Variants in UBE2D4 observed in about 807,000 individuals in gnomAD.
The protein encoded by UBE2D4 is ubiquitin-conjugating enzyme E2 D4.
In UBE2D4, 17 loss-of-function variants were observed where a neutral mutation model predicts 23.0. The observed-to-expected ratio is 0.74, with a 90% confidence interval of 0.51 to 1.11. The LOEUF is 1.11. Among genes scored for constraint, UBE2D4 ranks in the 50% least tolerant of loss-of-function variants. UBE2D4 has a pLI of 0.00. For synonymous variants in UBE2D4, 61 were observed against 69.4 expected, an observed-to-expected ratio of 0.88 and a Z score of 0.60; for missense variants, 139 against 181.8, an observed-to-expected ratio of 0.76 and a Z score of 1.35.
intron 1 of UBE2D4, among the ~76,000 whole-genome samples, chr7:43,932,965 G>A (rs4724259): frequency 0.14 from 18,347 of 134,242 alleles, 1,448 homozygotes; most frequent in Admixed American, 0.2. Flanking sequence ...TTCCCCTCCT[G>A]GGGGCAACAA....
At chr7:43,931,731 C>G (rs1457243170) in intron 1 of UBE2D4, among the ~76,000 whole-genome samples, 3 of 152,044 alleles carry the variant, frequency 2.0e-5, no homozygotes, top group Admixed American at 6.6e-5. Context: ...GAGACAGGGT[C>G]TCTGTCACCC....
chr7:43,951,675 C>T (rs753757401), intron 6 of UBE2D4, among the ~76,000 whole-genome samples: 11 of 152,082 alleles, frequency 7.2e-5, no homozygotes, highest in Admixed American at 1.3e-4. Context: ...GGACTACAGG[C>T]GTGTCCCACC....
At chr7:43,942,076 A>G (rs773594206) in intron 2 of UBE2D4, 2 of 152,772 alleles carry the variant, frequency 1.3e-5, no homozygotes, top group Non-Finnish European at 2.9e-5. Context: ...CATACCAAGT[A>G]GACCAGCCAT....
At position 43,954,257 on chromosome 7, in the gene UBE2D4, CTTTT is replaced by C. The variant is rs774290334; in HGVS notation, c.*1587_*1590del. 43 of 70,564 alleles carry C rather than the reference CTTTT, an allele frequency of 6.1e-4. No homozygotes were observed. The highest frequency in any genetic ancestry group is 1.3e-3 in the East Asian group (3 of 2,322). 4.4% of individuals were successfully genotyped at this position (70,564 alleles called of 1,614,324 possible). On this transcript the variant is annotated 3_prime_UTR_variant, in exon 7 of 7. Transcript: ENST00000222402. ...TGCATCTCACCATGTTGAGGATTGC[CTTTT>C]TTTTTTTTTTTTTTTTTTTTTTTTA... is the stretch of plus-strand genomic sequence containing the variant.
chr7:43,940,326 C>T (rs914650551), intron 2 of UBE2D4, among the ~76,000 whole-genome samples: 6 of 152,328 alleles, frequency 3.9e-5, no homozygotes, highest in African/African-American at 1.2e-4. Flanking sequence ...TACCTCATGT[C>T]GTCCTCACAA....
intron 1 of UBE2D4, among the ~76,000 whole-genome samples, chr7:43,927,606 A>G (rs980434472): frequency 2.2e-4 from 33 of 152,156 alleles, no homozygotes; most frequent in Non-Finnish European, 4.7e-4. Flanking sequence ...GCCCAGTCCT[A>G]TAACTAATTT....
chr7:43,928,720 G>C (rs1294097954), intron 1 of UBE2D4, among the ~76,000 whole-genome samples: 4 of 152,120 alleles, frequency 2.6e-5, no homozygotes, highest in Non-Finnish European at 4.4e-5. Context: ...CTCGAGGAGA[G>C]GATGTGGTGA....
intron 6 of UBE2D4, chr7:43,951,865 A>G (rs551200235): frequency 6.6e-6 from 1 of 152,270 alleles, no homozygotes; most frequent in African/African-American, 2.4e-5. Context: ...ACCTTTATAG[A>G]TCTTATTATT....
rs57093593 is a variant in UBE2D4 at position 43,932,984 on chromosome 7, GTATATATATATA to G, written c.25-5428_25-5417del. ...CCTCCTGGGGGCAACAAATGTTAAA[GTATATATATATA>G]TATATATATATATATATACACACAC... On this transcript the variant is annotated intron_variant, in intron 1 of 6. Transcript: ENST00000222402. Among the ~76,000 whole-genome samples the G allele has an allele frequency of 3.4e-3, 289 of 85,812 alleles. 9 individuals carry two copies. The highest frequency in any genetic ancestry group is 0.012 in the African/African-American group (264 of 22,800). 56.3% of individuals were successfully genotyped at this position (85,812 alleles called of 152,430 possible).
chr7:43,945,399 A>G (rs1457713272), intron 4 of UBE2D4, among the ~76,000 whole-genome samples: 1 of 152,216 alleles, frequency 6.6e-6, no homozygotes, highest in East Asian at 1.9e-4. Context: ...ACTCTATGAG[A>G]GAAGAAAGTG....
At chr7:43,938,025 CCTT>C (rs977052140) in intron 1 of UBE2D4, among the ~76,000 whole-genome samples, 1 of 152,082 alleles carries the variant, frequency 6.6e-6, no homozygotes, top group African/African-American at 2.4e-5. Context: ...TGGCACCTAT[CCTT>C]CTCCCAGAAC....
At chr7:43,942,771 A>T (rs1235698167) in intron 2 of UBE2D4, 55 bp from the exon 3 acceptor site, 1 of 1,612,472 alleles carries the variant, frequency 6.2e-7, no homozygotes, top group Non-Finnish European at 8.5e-7. Flanking sequence ...TTTTCAGTAG[A>T]ATGACATGTT....
intron 1 of UBE2D4, among the ~76,000 whole-genome samples, chr7:43,937,810 A>G (rs2132764875): frequency 6.6e-6 from 1 of 152,250 alleles, no homozygotes. Flanking sequence ...AAGGGAATCT[A>G]GTCGTGGTAT....
Position 43,953,181 on chromosome 7 carries a change from G to A in UBE2D4, c.*486G>A, listed in dbSNP as rs1382658126. The A allele has an allele frequency of 4.4e-6, 2 of 456,726 alleles. No homozygotes were observed. The highest frequency in any genetic ancestry group is 3.1e-5 in the South Asian group (2 of 64,568). The allele number at this position is 456,726 out of a possible 1,614,324, so 28.3% of individuals were successfully genotyped here. A position where few individuals can be genotyped will look rare whatever the true frequency, so the allele number is the denominator to read the frequency against. ...CATCTGCTGCAGAACCACATCCTGA[G>A]GAGTCTCAGCTTATCCTGGAGGGAA... On this transcript the variant is annotated 3_prime_UTR_variant, in exon 7 of 7. Coordinates refer to ENST00000222402, the MANE Select transcript of UBE2D4 (RefSeq NM_015983.4).
intron 1 of UBE2D4, among the ~76,000 whole-genome samples, chr7:43,935,940 A>C (rs1585862410): frequency 6.6e-6 from 1 of 152,322 alleles, no homozygotes; most frequent in South Asian, 2.1e-4. Context: ...AAAAGACCCC[A>C]GATGCTCTGC....
intron 1 of UBE2D4, among the ~76,000 whole-genome samples, chr7:43,936,078 G>T (rs889726714): frequency 4.2e-4 from 64 of 152,234 alleles, no homozygotes; most frequent in African/African-American, 1.4e-3. Flanking sequence ...TCACCATGTT[G>T]GCCAAACTGG....
chr7:43,940,658 G>A (rs987289737), intron 2 of UBE2D4, among the ~76,000 whole-genome samples: 5 of 152,020 alleles, frequency 3.3e-5, no homozygotes, highest in Admixed American at 6.5e-5. Context: ...ATCCTTTCTC[G>A]TCCTCTTGCT....
At chr7:43,928,230 CG>C (rs780683936) in intron 1 of UBE2D4, 8 of 295,392 alleles carry the variant, frequency 2.7e-5, no homozygotes, top group Non-Finnish European at 4.8e-5. Flanking sequence ...ATGAGGAATC[CG>C]CCCCCACGAC....
At chr7:43,942,526 A>G (rs1174670309) in intron 2 of UBE2D4, 2 of 551,414 alleles carry the variant, frequency 3.6e-6, no homozygotes, top group Admixed American at 3.1e-5. Flanking sequence ...GGAGAGTAAC[A>G]CATCCTGACT....
Sources: allele counts gnomAD v4.1 joint callset (sites outside exome capture counted in the v4.1 genomes callset), GRCh38; gene constraint gnomAD v4.1.1; transcripts MANE v1.5; gene names NCBI Gene and HGNC (gene_info 2026-07-23, HGNC 2026-07-21).